KCNIP4: variants seen among roughly 807,000 people sequenced by gnomAD.
The protein encoded by KCNIP4 is Kv channel-interacting protein 4.
A neutral mutation model predicts 34.0 loss-of-function variants in KCNIP4; 12 were observed. The observed-to-expected ratio is 0.35, with a 90% CI of 0.23 to 0.57. The LOEUF (loss-of-function observed/expected upper bound fraction) is 0.57. KCNIP4 is among the 20% of genes least tolerant of loss of function. The probability of loss-of-function intolerance (pLI) is 0.83; values close to 1 mark genes in which losing one functional copy is unlikely to be tolerated. For missense variants in KCNIP4, 238 were observed against 311.7 expected (o/e 0.76, Z 1.78); for synonymous variants, 124 against 102.2 (o/e 1.21, Z -1.29).
intron 1 of KCNIP4, among the ~76,000 whole-genome samples, chr4:20,899,537 T>C (rs1425749421): frequency 6.6e-6 from 1 of 152,170 alleles, no homozygotes; most frequent in Non-Finnish European, 1.5e-5. Flanking sequence ...CAGACCAAAA[T>C]ATTGCCTAAG....
intron 1 of KCNIP4, among the ~76,000 whole-genome samples, chr4:21,450,914 T>C (rs1272192509): frequency 6.6e-6 from 1 of 152,154 alleles, no homozygotes; most frequent in African/African-American, 2.4e-5. Flanking sequence ...GTATAGTTAT[T>C]TGAAAATCAC....
At chr4:21,140,609 A>C (rs12507541) in intron 1 of KCNIP4, among the ~76,000 whole-genome samples, 1 of 152,166 alleles carries the variant, frequency 6.6e-6, no homozygotes, top group Non-Finnish European at 1.5e-5. Flanking sequence ...AATAATACAT[A>C]AACCCTCAAT....
chr4:20,729,817 A>ATGCCAGATTCTATT lies in KCNIP4; in HGVS notation c.*251_*264dup, dbSNP rs1305273945. The ATGCCAGATTCTATT allele has an allele frequency of 2.9e-6, 1 of 345,722 alleles. No individual in the cohort carries two copies. Among genetic ancestry groups the ATGCCAGATTCTATT allele is most frequent in the Non-Finnish European group, 5.2e-6 (1 of 192,138 alleles). 21.4% of individuals were successfully genotyped at this position (345,722 alleles called of 1,614,324 possible). Reference sequence around the variant, plus strand: ...ATGGCTAAGGAACCAATAAAACTATATGCCAGATTCTATTACTTTTGAATA... The same window carrying ATGCCAGATTCTATT: ...ATGGCTAAGGAACCAATAAAACTATATGCCAGATTCTATTTGCCAGATTCTATTACTTTTGAATA... On this transcript the variant is annotated 3_prime_UTR_variant, in exon 9 of 9. Transcript: ENST00000382152.
At chr4:21,501,248 T>TCACACACA (rs34406802) in intron 1 of KCNIP4, among the ~76,000 whole-genome samples, 1 of 104,190 alleles carries the variant, frequency 9.6e-6, no homozygotes, top group Non-Finnish European at 2.1e-5. Context: ...TCTCTCTCTC[T>TCACACACA]CACACACACA....
chr4:21,741,875 A>G (rs1483670449), intron 1 of KCNIP4, among the ~76,000 whole-genome samples: 1 of 152,056 alleles, frequency 6.6e-6, no homozygotes, highest in African/African-American at 2.4e-5. Flanking sequence ...CATTTCTACT[A>G]AAAATACAAA....
intron 1 of KCNIP4, among the ~76,000 whole-genome samples, chr4:21,578,332 CAAAAA>C (rs71191522): frequency 0.021 from 1,562 of 75,000 alleles, 12 homozygotes; most frequent in Middle Eastern, 0.043. Context: ...GACTCCGTCT[CAAAAA>C]AAAAAAAAAA....
At chr4:21,724,739 A>G (rs950665615) in intron 1 of KCNIP4, among the ~76,000 whole-genome samples, 2 of 152,118 alleles carry the variant, frequency 1.3e-5, no homozygotes, top group Non-Finnish European at 2.9e-5. Flanking sequence ...TCAAAGTATT[A>G]TCATTTTGAA....
At chr4:21,901,020 T>G (rs1015267119) in intron 1 of KCNIP4, among the ~76,000 whole-genome samples, 2 of 152,242 alleles carry the variant, frequency 1.3e-5, no homozygotes, top group Non-Finnish European at 2.9e-5. Context: ...ATGCTACTTT[T>G]AAGGTAGAAT....
At chr4:20,886,312 C>T (rs1196217887) in intron 1 of KCNIP4, among the ~76,000 whole-genome samples, 1 of 152,146 alleles carries the variant, frequency 6.6e-6, no homozygotes, top group East Asian at 1.9e-4. Context: ...TTCCATAGTT[C>T]AGGGAGGTAG....
At chr4:21,427,312 T>C (rs2109651339) in intron 1 of KCNIP4, among the ~76,000 whole-genome samples, 1 of 145,518 alleles carries the variant, frequency 6.9e-6, no homozygotes, top group Admixed American at 6.8e-5. Flanking sequence ...GGAATAAATA[T>C]GTAAAAAAAA....
At chr4:21,008,514 C>G (rs767898388) in intron 1 of KCNIP4, among the ~76,000 whole-genome samples, 7 of 136,996 alleles carry the variant, frequency 5.1e-5, no homozygotes, top group African/African-American at 1.5e-4. Context: ...TGGGCATTTT[C>G]TTTTTGTTTT....
intron 1 of KCNIP4, among the ~76,000 whole-genome samples, chr4:21,122,613 T>G (rs1750258595): frequency 1.3e-5 from 2 of 152,168 alleles, no homozygotes. Flanking sequence ...ATATATGTTG[T>G]TCCACAGTCA....
At chr4:21,221,956 T>C (rs1758009812) in intron 1 of KCNIP4, among the ~76,000 whole-genome samples, 1 of 152,200 alleles carries the variant, frequency 6.6e-6, no homozygotes, top group Non-Finnish European at 1.5e-5. Flanking sequence ...CTGTTGCCCA[T>C]GGTAACATTC....
chr4:21,766,825 A>C (rs910223146), intron 1 of KCNIP4, among the ~76,000 whole-genome samples: 3 of 152,158 alleles, frequency 2.0e-5, no homozygotes, highest in African/African-American at 7.2e-5. Flanking sequence ...TGTGTGTTTT[A>C]TTTATTCATT....
intron 1 of KCNIP4, among the ~76,000 whole-genome samples, chr4:21,574,629 A>C (rs1053981899): frequency 6.6e-6 from 1 of 152,166 alleles, no homozygotes; most frequent in African/African-American, 2.4e-5. Flanking sequence ...AGGAGACTAT[A>C]GTCTTTAGTA....
At chr4:21,861,159 G>A (rs1385411639) in intron 1 of KCNIP4, among the ~76,000 whole-genome samples, 1 of 152,088 alleles carries the variant, frequency 6.6e-6, no homozygotes, top group Non-Finnish European at 1.5e-5. Flanking sequence ...TTCTAGCAAG[G>A]CTTTTCATAT....
At chr4:21,445,836 A>G (rs912036582) in intron 1 of KCNIP4, among the ~76,000 whole-genome samples, 1 of 152,220 alleles carries the variant, frequency 6.6e-6, no homozygotes, top group Admixed American at 6.5e-5. Context: ...GTGAACAGGC[A>G]ACACACAGAA....
intron 2 of KCNIP4, among the ~76,000 whole-genome samples, chr4:20,870,709 T>C (rs1278709195): frequency 6.6e-6 from 1 of 152,142 alleles, no homozygotes; most frequent in Middle Eastern, 3.2e-3. Context: ...TCTTTTGGAA[T>C]AGAATTTGAG....
At chr4:21,103,001 T>G (rs1018584754) in intron 1 of KCNIP4, among the ~76,000 whole-genome samples, 1 of 152,114 alleles carries the variant, frequency 6.6e-6, no homozygotes, top group Admixed American at 6.6e-5. Flanking sequence ...TTATTAAATG[T>G]TTATTCTTGT....
Sources: allele counts gnomAD v4.1 joint callset (sites outside exome capture counted in the v4.1 genomes callset), GRCh38; gene constraint gnomAD v4.1.1; transcripts MANE v1.5; gene names NCBI Gene and HGNC (gene_info 2026-07-23, HGNC 2026-07-21).